The following MARCHF11 variants were observed in gnomAD, a reference collection of about 807,000 sequenced individuals.
MARCHF11 encodes the protein membrane associated ring-CH-type finger 11, also known as E3 ubiquitin-protein ligase MARCHF11.
A neutral mutation model predicts 37.3 loss-of-function variants in MARCHF11; 29 were observed. The ratio of observed to expected loss-of-function variants is 0.78; its 90% confidence interval spans 0.58 to 1.06. The LOEUF (loss-of-function observed/expected upper bound fraction) is 1.06, where lower values mean the gene tolerates loss of function less well. Ranked by LOEUF, MARCHF11 falls within the 50% of genes least tolerant of loss-of-function variation. The pLI, the probability that MARCHF11 is intolerant of heterozygous loss-of-function variation, is 0.00. For missense variants in MARCHF11, 482 were observed against 533.4 expected, an observed-to-expected ratio of 0.90 and a Z score of 0.95; for synonymous variants, 233 against 228.0, an observed-to-expected ratio of 1.02 and a Z score of -0.20.
intron 3 of MARCHF11, among the ~76,000 whole-genome samples, chr5:16,082,199 A>C (rs182809373): frequency 2.2e-3 from 334 of 152,320 alleles, no homozygotes; most frequent in African/African-American, 7.6e-3. Context: ...GAAGGATCCG[A>C]GGCAGGGACT....
chr5:16,113,969 G>T (rs1463549670), intron 2 of MARCHF11, among the ~76,000 whole-genome samples: 1 of 151,356 alleles, frequency 6.6e-6, no homozygotes, highest in Non-Finnish European at 1.5e-5. Flanking sequence ...TAAGCGTCTG[G>T]TATCTACCAT....
intron 2 of MARCHF11, among the ~76,000 whole-genome samples, chr5:16,118,313 G>A (rs924127714): frequency 1.3e-5 from 2 of 152,226 alleles, no homozygotes; most frequent in Non-Finnish European, 2.9e-5. Context: ...AGGGTGAGAA[G>A]TGATGTCTCC....
chr5:16,102,895 C>T (rs1253990696), intron 2 of MARCHF11, among the ~76,000 whole-genome samples: 1 of 152,186 alleles, frequency 6.6e-6, no homozygotes, highest in East Asian at 1.9e-4. Flanking sequence ...GCGGTTTGAG[C>T]ATTGTTGGCT....
At chr5:16,177,688 A>C (rs1738384990) in intron 2 of MARCHF11, 38 bp downstream of exon 2, 1 of 1,556,752 alleles carries the variant, frequency 6.4e-7, no homozygotes, top group South Asian at 1.2e-5. Context: ...CATGTTAACA[A>C]AATTATTTCA....
At chr5:16,155,167 C>G (rs1737959517) in intron 2 of MARCHF11, among the ~76,000 whole-genome samples, 1 of 151,812 alleles carries the variant, frequency 6.6e-6, no homozygotes, top group Admixed American at 6.6e-5. Context: ...TACACACTAA[C>G]TACTAGACTA....
At chr5:16,161,063 T>C (rs1317876927) in intron 2 of MARCHF11, among the ~76,000 whole-genome samples, 1 of 151,936 alleles carries the variant, frequency 6.6e-6, no homozygotes, top group Non-Finnish European at 1.5e-5. Context: ...TACTTTAAGC[T>C]TTAGGGTACA....
chr5:16,168,471 T>C (rs1738206891), intron 2 of MARCHF11, among the ~76,000 whole-genome samples: 1 of 152,118 alleles, frequency 6.6e-6, no homozygotes, highest in African/African-American at 2.4e-5. Flanking sequence ...GATTTGAAAA[T>C]GAATTTAATA....
At chr5:16,154,216 A>G (rs1190587782) in intron 2 of MARCHF11, among the ~76,000 whole-genome samples, 1 of 151,984 alleles carries the variant, frequency 6.6e-6, no homozygotes, top group Non-Finnish European at 1.5e-5. Flanking sequence ...CTACACGTCT[A>G]GCAAATCTGT....
chr5:16,092,201 T>TCA (rs1441644244), intron 2 of MARCHF11, among the ~76,000 whole-genome samples: 1 of 152,208 alleles, frequency 6.6e-6, no homozygotes, highest in Non-Finnish European at 1.5e-5. Flanking sequence ...TGTCTCTCTG[T>TCA]CACTCTCTCT....
intron 3 of MARCHF11, among the ~76,000 whole-genome samples, chr5:16,087,416 A>C (rs1736717187): frequency 1.3e-5 from 2 of 152,364 alleles, no homozygotes; most frequent in South Asian, 2.1e-4. Flanking sequence ...CCATTTATAG[A>C]GACAAAGGGA....
At chr5:16,092,687 T>C (rs1736806861) in intron 2 of MARCHF11, among the ~76,000 whole-genome samples, 1 of 152,130 alleles carries the variant, frequency 6.6e-6, no homozygotes, top group Non-Finnish European at 1.5e-5. Context: ...CCACCATGTA[T>C]ACCTATGTAA....
At chr5:16,072,868 G>A (rs1052249173) in intron 3 of MARCHF11, among the ~76,000 whole-genome samples, 1 of 152,122 alleles carries the variant, frequency 6.6e-6, no homozygotes, top group African/African-American at 2.4e-5. Flanking sequence ...TGGGAAGGGA[G>A]ACGAGGGAGT....
intron 2 of MARCHF11, among the ~76,000 whole-genome samples, chr5:16,174,787 G>A (rs1401542742): frequency 1.3e-5 from 2 of 152,142 alleles, no homozygotes; most frequent in Non-Finnish European, 2.9e-5. Context: ...AGGTCAGGAA[G>A]GCATGGCCAT....
At chr5:16,138,327 C>A (rs191926424) in intron 2 of MARCHF11, among the ~76,000 whole-genome samples, 1 of 152,200 alleles carries the variant, frequency 6.6e-6, no homozygotes, top group Non-Finnish European at 1.5e-5. Flanking sequence ...TCAAATGGTG[C>A]AAGCCCCAAG....
chr5:16,121,668 T>A (rs1411109026), intron 2 of MARCHF11, among the ~76,000 whole-genome samples: 1 of 152,166 alleles, frequency 6.6e-6, no homozygotes, highest in Non-Finnish European at 1.5e-5. Flanking sequence ...CAAGTAAGTG[T>A]CACACTAGCA....
At chr5:16,085,188 G>T (rs563432247) in intron 3 of MARCHF11, among the ~76,000 whole-genome samples, 1 of 151,890 alleles carries the variant, frequency 6.6e-6, no homozygotes, top group Non-Finnish European at 1.5e-5. Context: ...TCCCCGTAGC[G>T]TTAAAATTAT....
rs1478322732 is a variant in MARCHF11, at chr5:16,080,140, T to C, written c.886+10749A>G. Among the ~76,000 whole-genome samples the C allele has an allele frequency of 2.0e-5, 3 of 152,316 alleles. No homozygotes were observed. In the East Asian group the frequency reaches 5.8e-4, roughly 29 times the overall value. On this transcript the variant is annotated intron_variant, in intron 3 of 3. Coordinates refer to ENST00000332432, the MANE Select transcript of MARCHF11 (RefSeq NM_001102562.3). ...TTTGTGAACTCACCTCTGAACCCCC[T>C]TCTGCCCATCCCAGCCATTCTCAAT...
chr5:16,119,261 G>A (rs1737273303), intron 2 of MARCHF11, among the ~76,000 whole-genome samples: 1 of 151,984 alleles, frequency 6.6e-6, no homozygotes, highest in Non-Finnish European at 1.5e-5. Flanking sequence ...TGCTCGGGAG[G>A]CTGAGGCAAG....
intron 2 of MARCHF11, among the ~76,000 whole-genome samples, chr5:16,171,911 A>G (rs1738273355): frequency 6.6e-6 from 1 of 152,190 alleles, no homozygotes; most frequent in Admixed American, 6.5e-5. Flanking sequence ...CAAACAAAGC[A>G]CAGAAGAGGA....
Sources: gnomAD v4.1 joint callset for allele counts (sites outside exome capture counted in the v4.1 genomes callset) on GRCh38, gnomAD v4.1.1 for gene constraint, MANE v1.5 for transcripts, NCBI Gene and HGNC (gene_info 2026-07-23, HGNC 2026-07-21) for gene names.